Variants in MBTPS1 observed in about 807,000 individuals in gnomAD.
MBTPS1 encodes the protein membrane-bound transcription factor site-1 protease.
MBTPS1 carries 94 observed loss-of-function variants against 127.8 expected under a neutral mutation model. The observed-to-expected ratio is 0.74, with a 90% CI of 0.62 to 0.87. The LOEUF is 0.87. Ranked by LOEUF, MBTPS1 falls within the 40% of genes least tolerant of loss-of-function variation. MBTPS1 has a pLI of 0.00. For missense variants in MBTPS1, 1,636 were observed against 1,353.2 expected, an observed-to-expected ratio of 1.21 and a Z score of -3.28; for synonymous variants, 632 against 509.4, an observed-to-expected ratio of 1.24 and a Z score of -3.24.
intron 3 of MBTPS1, 149 bp from the exon 4 acceptor site, chr16:84,095,954 A>T: frequency 1.6e-6 from 1 of 628,206 alleles, no homozygotes; most frequent in Non-Finnish European, 2.8e-6. Flanking sequence ...CTGGAAGGAC[A>T]GTCTCAATGC....
At chr16:84,096,490 T>G (rs2086181666) in intron 3 of MBTPS1, among the ~76,000 whole-genome samples, 1 of 152,224 alleles carries the variant, frequency 6.6e-6, no homozygotes, top group Non-Finnish European at 1.5e-5. Flanking sequence ...TAAGTCTCTT[T>G]ATTTTTAAAA....
At position 84,085,041 on chromosome 16, in the gene MBTPS1, G is replaced by C; in HGVS notation, c.1228C>G (p.Leu410Val). Residue 410 changes from leucine (L) to valine (V), a missense_variant, in exon 10 of 23, where the codon CTC becomes GTC. Leu to Val is a conservative substitution (Grantham distance 32). Transcript: ENST00000343411. ...GSGVKGGCRA[L>V]SGTSVASPVV... ...GGAGAAGCAACACTGGTCCCTGAGA[G>C]GGCCCGGCACCCCCCTTTCACGCCA... is the stretch of plus-strand genomic sequence containing the variant. The C allele has an allele frequency of 6.2e-7, 1 of 1,614,218 alleles. No homozygotes were observed. The highest frequency in any genetic ancestry group is 1.1e-5 in the South Asian group (1 of 91,084).
chr16:84,064,270 G>T (rs2085651133), intron 18 of MBTPS1, among the ~76,000 whole-genome samples: 1 of 151,938 alleles, frequency 6.6e-6, no homozygotes, highest in Admixed American at 6.6e-5. Flanking sequence ...CTCTGTGCAG[G>T]AATCCTACTA....
At chr16:84,084,615 A>C (rs1347965916) in intron 10 of MBTPS1, among the ~76,000 whole-genome samples, 1 of 152,216 alleles carries the variant, frequency 6.6e-6, no homozygotes, top group Non-Finnish European at 1.5e-5. Context: ...GATATATGGC[A>C]GGGAAATATC....
chr16:84,089,039 G>C (rs576904155), intron 8 of MBTPS1, among the ~76,000 whole-genome samples: 2 of 152,378 alleles, frequency 1.3e-5, no homozygotes, highest in African/African-American at 4.8e-5. Flanking sequence ...CAGGGTTTCA[G>C]AACGGCAGCC....
chr16:84,104,832 T>C (rs2086301628), intron 1 of MBTPS1, among the ~76,000 whole-genome samples: 1 of 151,858 alleles, frequency 6.6e-6, no homozygotes, highest in Non-Finnish European at 1.5e-5. Flanking sequence ...TGATTCCACT[T>C]TAGGAGGCTG....
intron 9 of MBTPS1, 77 bp downstream of exon 9, chr16:84,087,281 G>C: frequency 8.9e-7 from 1 of 1,123,766 alleles, no homozygotes; most frequent in Non-Finnish European, 1.4e-6. Flanking sequence ...TACACCCCAA[G>C]GCTCGTCAAC....
intron 4 of MBTPS1, among the ~76,000 whole-genome samples, chr16:84,094,675 C>A (rs1350834714): frequency 6.6e-6 from 1 of 152,140 alleles, no homozygotes; most frequent in African/African-American, 2.4e-5. Flanking sequence ...AAAAAATGCA[C>A]ACACAAAATC....
Position 84,067,769 on chromosome 16 carries a change from T to C in MBTPS1, c.2126A>G (p.Lys709Arg). The change falls in exon 16 of 23, where the codon AAG becomes AGG. Residue 709 changes from lysine to arginine, a missense_variant. Coordinates refer to ENST00000343411, the MANE Select transcript of MBTPS1 (RefSeq NM_003791.4). Reference protein sequence around the residue: ...EEEYFPEEIAKLRRDVDNGLS... With the variant: ...EEEYFPEEIARLRRDVDNGLS... ...GCCGTTGTCCACGTCCCTCCGGAGC[T>C]TGGCGATCTCTTCAGGGAAGTACTC... 1.2e-6 allele frequency: 2 copies of C among 1,614,140 alleles called. No individual in the cohort carries two copies. Among genetic ancestry groups the C allele is most frequent in the Non-Finnish European group, 1.7e-6 (2 of 1,179,960 alleles).
At chr16:84,108,149 C>A (rs898876586) in intron 1 of MBTPS1, among the ~76,000 whole-genome samples, 2 of 152,028 alleles carry the variant, frequency 1.3e-5, no homozygotes, top group Non-Finnish European at 2.9e-5. Flanking sequence ...CAATGCAAAC[C>A]CGATGGGCAC....
intron 16 of MBTPS1, 142 bp downstream of exon 16, chr16:84,067,525 C>T: frequency 1.5e-6 from 1 of 684,082 alleles, no homozygotes; most frequent in Non-Finnish European, 2.4e-6. Flanking sequence ...GTCGAAAGGG[C>T]TTTTTTTCTA....
chr16:84,104,352 C>T (rs2086295519), intron 1 of MBTPS1, among the ~76,000 whole-genome samples: 1 of 152,058 alleles, frequency 6.6e-6, no homozygotes, highest in African/African-American at 2.4e-5. Context: ...GGCATGGTGG[C>T]GCGCCTATAG....
intron 5 of MBTPS1, 104 bp from the exon 6 acceptor site, chr16:84,093,401 TGGATAGAGGA>T: frequency 1.1e-5 from 9 of 801,550 alleles, no homozygotes; most frequent in South Asian, 5.9e-5. Flanking sequence ...TTCCAAGTGC[TGGATAGAGGA>T]GGGCCTCTGC....
At chr16:84,108,615 C>T (rs1476639946) in intron 1 of MBTPS1, among the ~76,000 whole-genome samples, 2 of 152,180 alleles carry the variant, frequency 1.3e-5, no homozygotes, top group Non-Finnish European at 2.9e-5. Flanking sequence ...TTCTTCTTCC[C>T]TTCCTGAAGA....
chr16:84,115,167 T>A (rs1185582824), intron 1 of MBTPS1, among the ~76,000 whole-genome samples: 2 of 152,176 alleles, frequency 1.3e-5, no homozygotes, highest in Non-Finnish European at 2.9e-5. Flanking sequence ...GACCTTGTGA[T>A]CCGCCCGCCT....
At chr16:84,062,077 C>T (rs2085621903) in intron 19 of MBTPS1, among the ~76,000 whole-genome samples, 1 of 152,110 alleles carries the variant, frequency 6.6e-6, no homozygotes, top group Admixed American at 6.5e-5. Context: ...AAACATTAAC[C>T]TCCTTTAACT....
intron 9 of MBTPS1, 122 bp from the exon 10 acceptor site, chr16:84,085,256 G>T (rs542735841): frequency 6.0e-6 from 6 of 999,858 alleles, no homozygotes; most frequent in Non-Finnish European, 7.4e-6. Context: ...ACCTTAGGAA[G>T]GTACTGGTTT....
chr16:84,090,009 A>T (rs2086081812), intron 8 of MBTPS1, among the ~76,000 whole-genome samples: 1 of 152,218 alleles, frequency 6.6e-6, no homozygotes, highest in South Asian at 2.1e-4. Context: ...AGCAAAATCC[A>T]GAACCCTGGA....
intron 19 of MBTPS1, 122 bp from the exon 20 acceptor site, chr16:84,060,935 G>C: frequency 1.1e-6 from 1 of 891,596 alleles, no homozygotes; most frequent in Non-Finnish European, 1.7e-6. Flanking sequence ...CTGGGCTCAA[G>C]TGATCCTCCT....
Sources: allele counts gnomAD v4.1 joint callset (sites outside exome capture counted in the v4.1 genomes callset), GRCh38; gene constraint gnomAD v4.1.1; transcripts MANE v1.5; gene names NCBI Gene and HGNC (gene_info 2026-07-23, HGNC 2026-07-21).